Variants in SYT14 observed in about 807,000 individuals in gnomAD.
The protein encoded by SYT14 is synaptotagmin 14, also known as synaptotagmin-14.
In SYT14, 32 loss-of-function variants were observed where a neutral mutation model predicts 74.2. That is an observed-to-expected ratio of 0.43 (90% CI 0.33 to 0.58). The LOEUF (loss-of-function observed/expected upper bound fraction) is 0.58. Ranked by LOEUF, SYT14 falls within the 20% of genes least tolerant of loss-of-function variation. The pLI is 0.05. For synonymous variants in SYT14, 298 were observed against 337.7 expected, an observed-to-expected ratio of 0.88 and a Z score of 1.29; for missense variants, 791 against 981.8, an observed-to-expected ratio of 0.81 and a Z score of 2.60.
At chr1:209,998,746 C>T (rs1402865155) in intron 2 of SYT14, among the ~76,000 whole-genome samples, 1 of 151,984 alleles carries the variant, frequency 6.6e-6, no homozygotes, top group East Asian at 1.9e-4. Context: ...TATTCATATG[C>T]AGAAAAATGA....
chr1:210,075,805 TC>T lies in SYT14; in HGVS notation c.1313-18514del, dbSNP rs141830906. 8.1e-3 allele frequency among the ~76,000 whole-genome samples: 1,239 copies of T among 152,274 alleles called. 13 individuals carry two copies. Among genetic ancestry groups the T allele is most frequent in the African/African-American group, 0.026 (1,062 of 41,554 alleles). The stretch of plus-strand genomic sequence containing the variant: ...GACCTGCCTTTCCCTTCCCAGCACT[TC>T]CCTGCCCTCCTTCCGTATCAGTAGT... On this transcript the variant is annotated intron_variant, in intron 5 of 9. Transcript: ENST00000637265.
intron 1 of SYT14, among the ~76,000 whole-genome samples, chr1:209,949,194 C>T (rs2078870343): frequency 6.6e-6 from 1 of 152,166 alleles, no homozygotes. Flanking sequence ...TCCAAACAGA[C>T]ATATACATTA....
chr1:210,007,277 G>GTA (rs1239856704), intron 2 of SYT14, among the ~76,000 whole-genome samples: 1 of 151,788 alleles, frequency 6.6e-6, no homozygotes, highest in African/African-American at 2.4e-5. Context: ...GTGAGATATT[G>GTA]TACCTAGTGC....
intron 7 of SYT14, among the ~76,000 whole-genome samples, chr1:210,141,656 A>G (rs1304710140): frequency 6.6e-6 from 1 of 152,212 alleles, no homozygotes; most frequent in South Asian, 2.1e-4. Flanking sequence ...AGTTAACATT[A>G]GTGGTCAGCT....
chr1:210,154,033 A>G (rs1407538128), intron 7 of SYT14, among the ~76,000 whole-genome samples: 2 of 152,172 alleles, frequency 1.3e-5, no homozygotes, highest in East Asian at 3.9e-4. Flanking sequence ...TCTTTCTCTA[A>G]TATCTGAAAG....
At chr1:210,110,301 C>A (rs768003796) in intron 7 of SYT14, among the ~76,000 whole-genome samples, 1 of 151,932 alleles carries the variant, frequency 6.6e-6, no homozygotes, top group African/African-American at 2.4e-5. Flanking sequence ...GAATCAAGGA[C>A]CATTTTCCTC....
intron 5 of SYT14, among the ~76,000 whole-genome samples, chr1:210,042,928 A>G (rs895694681): frequency 1.3e-5 from 2 of 152,200 alleles, no homozygotes; most frequent in African/African-American, 4.8e-5. Flanking sequence ...CATTGAATCT[A>G]TCAATTACTT....
chr1:210,159,804 T>G (rs892241549), intron 9 of SYT14, among the ~76,000 whole-genome samples: 5 of 152,196 alleles, frequency 3.3e-5, no homozygotes, highest in Non-Finnish European at 7.3e-5. Context: ...TGATATGAAG[T>G]ACACATGATG....
At chr1:210,051,595 ATG>A (rs1451578729) in intron 5 of SYT14, among the ~76,000 whole-genome samples, 1 of 152,002 alleles carries the variant, frequency 6.6e-6, no homozygotes, top group African/African-American at 2.4e-5. Flanking sequence ...AAAAATAATT[ATG>A]TGTGTCTTGT....
At chr1:210,020,380 A>G (rs1423955820) in intron 4 of SYT14, among the ~76,000 whole-genome samples, 1 of 152,174 alleles carries the variant, frequency 6.6e-6, no homozygotes, top group East Asian at 1.9e-4. Context: ...TTAATTTCTT[A>G]GGCTGAATTC....
chr1:210,038,108 G>T (rs1007947359), intron 5 of SYT14, among the ~76,000 whole-genome samples: 7 of 151,760 alleles, frequency 4.6e-5, no homozygotes, highest in Non-Finnish European at 7.4e-5. Flanking sequence ...ATGAATCTGG[G>T]TGCATATAAA....
chr1:209,990,437 A>G (rs1393102853), intron 2 of SYT14, among the ~76,000 whole-genome samples: 1 of 143,570 alleles, frequency 7.0e-6, no homozygotes, highest in Non-Finnish European at 1.6e-5. Context: ...AAAATCTCAC[A>G]TCTTAATATC....
chr1:209,983,979 C>G (rs989239642), intron 2 of SYT14, among the ~76,000 whole-genome samples: 1 of 152,122 alleles, frequency 6.6e-6, no homozygotes, highest in African/African-American at 2.4e-5. Context: ...TTCCTTATAT[C>G]TGTGGTCAGA....
intron 1 of SYT14, among the ~76,000 whole-genome samples, chr1:209,948,339 C>T (rs1172166224): frequency 7.2e-5 from 11 of 152,310 alleles, no homozygotes; most frequent in African/African-American, 2.6e-4. Context: ...TACACAAACA[C>T]ACATGCACAC....
chr1:210,094,678 G>C, intron 6 of SYT14, 85 bp downstream of exon 5: 3 of 1,441,908 alleles, frequency 2.1e-6, no homozygotes, highest in Non-Finnish European at 2.9e-6. Context: ...AAGAAGAATT[G>C]ATTTTATCAC....
chr1:210,054,451 G>C (rs2081058783), intron 5 of SYT14, among the ~76,000 whole-genome samples: 1 of 151,942 alleles, frequency 6.6e-6, no homozygotes, highest in Non-Finnish European at 1.5e-5. Flanking sequence ...TCATCACTAA[G>C]GATATTCTTT....
intron 5 of SYT14, among the ~76,000 whole-genome samples, chr1:210,055,423 A>G (rs890136496): frequency 6.6e-6 from 1 of 152,194 alleles, no homozygotes; most frequent in African/African-American, 2.4e-5. Context: ...AAGTTAATGA[A>G]CTTCAAACTA....
chr1:210,099,952 T>C lies in SYT14; in HGVS notation c.1585-60T>C, dbSNP rs2082031582. ...TTCTAAAGAAATATCAAGTATTTATTTACATGCTAGGTTAAATAATTGAGT... is the reference window on the plus strand; with the variant it reads ...TTCTAAAGAAATATCAAGTATTTATCTACATGCTAGGTTAAATAATTGAGT... On this transcript the variant is annotated intron_variant, in intron 6 of 9. Transcript: ENST00000637265. 5 of 1,440,784 alleles carry C rather than the reference T, an allele frequency of 3.5e-6. No individual in the cohort carries two copies. The East Asian group carries it at 1.2e-4, about 34-fold the overall frequency. 89.2% of individuals were successfully genotyped at this position (1,440,784 alleles called of 1,614,324 possible). A position where few individuals can be genotyped will look rare whatever the true frequency, so the allele number is the denominator to read the frequency against.
chr1:209,951,414 C>A (rs2078910117), intron 1 of SYT14, among the ~76,000 whole-genome samples: 1 of 152,180 alleles, frequency 6.6e-6, no homozygotes, highest in East Asian at 1.9e-4. Flanking sequence ...CTTTCTTTCA[C>A]TTAGCATAAT....
Sources: gnomAD v4.1 joint callset for allele counts (sites outside exome capture counted in the v4.1 genomes callset) on GRCh38, gnomAD v4.1.1 for gene constraint, MANE v1.5 for transcripts, NCBI Gene and HGNC (gene_info 2026-07-23, HGNC 2026-07-21) for gene names.